The following ZNF737 variants were observed in gnomAD, a reference collection of about 807,000 sequenced individuals.
ZNF737 encodes the protein zinc finger protein 102 (Y3).
ZNF737 carries 13 observed loss-of-function variants against 11.7 expected under a neutral mutation model. The ratio of observed to expected loss-of-function variants is 1.11; its 90% CI spans 0.73 to 1.77. The LOEUF (loss-of-function observed/expected upper bound fraction) is 1.77, where lower values mean the gene tolerates loss of function less well. Among genes scored for constraint, ZNF737 ranks in the 40% most tolerant of loss-of-function variants. The pLI, the probability that ZNF737 is intolerant of heterozygous loss-of-function variation, is 0.00. For missense variants in ZNF737, 636 were observed against 638.0 expected (o/e 1.00, Z 0.03); for synonymous variants, 217 against 216.2 (o/e 1.00, Z -0.03).
At position 20,540,898 on chromosome 19, in the gene ZNF737, A is replaced by G; in HGVS notation, c.*3694T>C. On this transcript the variant is annotated 3_prime_UTR_variant, in exon 4 of 4. Coordinates refer to ENST00000427401, the MANE Select transcript of ZNF737 (RefSeq NM_001159293.2). ...TGGCTTAAATTATTTTTTATGCACC[A>G]TTTATACATTCACACACACATAGAA... The G allele has an allele frequency of 2.1e-6, 2 of 965,280 alleles. No individual in the cohort carries two copies. Among genetic ancestry groups the G allele is most frequent in the Non-Finnish European group, 2.5e-6 (2 of 811,554 alleles). The allele number at this position is 965,280 out of a possible 1,614,324, so 59.8% of individuals were successfully genotyped here. A position where few individuals can be genotyped will look rare whatever the true frequency, so the allele number is the denominator to read the frequency against.
chr19:20,545,932 T>C lies in ZNF737; in HGVS notation c.271A>G (p.Ile91Val), dbSNP rs781792590. Residue 91 changes from isoleucine (I) to valine (V), a missense_variant, in exon 4 of 4, where the codon ATA becomes GTA. Transcript: ENST00000427401. ...GTCACTTTTTGGAAAGAATCTTTTA[T>C]GCTCTGCTCTGGCCAAAGATCTCGG... is the stretch of plus-strand genomic sequence containing the variant. ...FARDLWPEQS[I>V]KDSFQKVTLR... The C allele has an allele frequency of 6.3e-7, 1 of 1,581,172 alleles. No individual in the cohort carries two copies.
Position 20,545,468 on chromosome 19 carries a change from A to G in ZNF737, c.735T>C (p.Thr245=), listed in dbSNP as rs1555756706. The G allele has an allele frequency of 6.2e-7, 1 of 1,613,714 alleles. No individual in the cohort carries two copies. Among genetic ancestry groups the G allele is most frequent in the Admixed American group, 1.7e-5 (1 of 59,834 alleles). The stretch of plus-strand genomic sequence containing the variant: ...CTCCACTATGAATTATCTTATGTGC[A>G]GTAAGGTATGAAAACCGGCTAAAGG... ...GKAFSRFSYL[T]AHKIIHSGEK... The change falls in exon 4 of 4, where the codon ACT becomes ACC. Residue 245 remains threonine (T), a synonymous_variant. Coordinates refer to ENST00000427401, the MANE Select transcript of ZNF737 (RefSeq NM_001159293.2).
downstream of ZNF737, among the ~76,000 whole-genome samples, chr19:20,537,621 A>C (rs1968029492): frequency 7.4e-6 from 1 of 135,522 alleles, no homozygotes; most frequent in Non-Finnish European, 1.5e-5. Context: ...GGTTCAAGTG[A>C]TTCTTCTGCC....
downstream of ZNF737, among the ~76,000 whole-genome samples, chr19:20,534,686 G>A (rs1555753518): frequency 6.7e-6 from 1 of 149,746 alleles, no homozygotes; most frequent in African/African-American, 2.5e-5. Flanking sequence ...TTTTCTGGTA[G>A]TAGATCAGCT....
In ZNF737 at chr19:20,544,345, AG is replaced by A; in HGVS notation, c.*246del. On this transcript the variant is annotated 3_prime_UTR_variant, in exon 4 of 4. Transcript: ENST00000427401. The stretch of plus-strand genomic sequence containing the variant: ...GCTTTCCGACATTCATCAAACTCAC[AG>A]GGTTTCTCTCCAGTACGAATTATCT... 7.5e-7 allele frequency: 1 copy of A among 1,332,904 alleles called. No homozygotes were observed. Among genetic ancestry groups the A allele is most frequent in the East Asian group, 3.0e-5 (1 of 33,608 alleles). The allele number at this position is 1,332,904 out of a possible 1,614,324, so 82.6% of individuals were successfully genotyped here.
intron 1 of ZNF737, among the ~76,000 whole-genome samples, chr19:20,564,796 C>T (rs1456711768): frequency 6.7e-6 from 1 of 148,824 alleles, no homozygotes; most frequent in Non-Finnish European, 1.5e-5. Context: ...ACTGAAGAAG[C>T]TCTAGTCCCT....
Position 20,541,617 on chromosome 19 carries a change from G to A in ZNF737, c.*2975C>T, listed in dbSNP as rs1555755113. Reference sequence around the variant, plus strand: ...ATTTTTGTGTTTTTAGTAGAGACAAGGTTTCACCACGTTGGCCAGGCTGGC... The same window carrying A: ...ATTTTTGTGTTTTTAGTAGAGACAAAGTTTCACCACGTTGGCCAGGCTGGC... On this transcript the variant is annotated 3_prime_UTR_variant, in exon 4 of 4. Coordinates refer to ENST00000427401, the MANE Select transcript of ZNF737 (RefSeq NM_001159293.2). 6.6e-6 allele frequency among the ~76,000 whole-genome samples: 1 copy of A among 152,088 alleles called. No individual in the cohort carries two copies. Among genetic ancestry groups the A allele is most frequent in the East Asian group, 1.9e-4 (1 of 5,184 alleles).
Sources: allele counts gnomAD v4.1 joint callset (sites outside exome capture counted in the v4.1 genomes callset), GRCh38; gene constraint gnomAD v4.1.1; transcripts MANE v1.5; gene names NCBI Gene and HGNC (gene_info 2026-07-23, HGNC 2026-07-21).